PSG4: variants seen among roughly 807,000 people sequenced by gnomAD.
PSG4 encodes the protein pregnancy-specific beta-1-glycoprotein 4.
Under a neutral mutation model 44.3 loss-of-function variants are expected in PSG4, and 61 were observed. The observed-to-expected ratio is 1.38, with a 90% confidence interval of 1.12 to 1.70. PSG4 has a LOEUF of 1.70. Among genes scored for constraint, PSG4 ranks in the 40% most tolerant of loss-of-function variants. The pLI is 0.00. For synonymous variants in PSG4, 248 were observed against 191.3 expected, an observed-to-expected ratio of 1.30 and a Z score of -2.45; for missense variants, 677 against 511.7, an observed-to-expected ratio of 1.32 and a Z score of -3.12.
intron 2 of PSG4, chr19:43,203,423 C>T (rs1231437609): frequency 2.5e-5 from 4 of 158,012 alleles, no homozygotes; most frequent in Non-Finnish European, 5.3e-5. Flanking sequence ...TAAGGCCTGC[C>T]CAAGAAGGAA....
intron 3 of PSG4, among the ~76,000 whole-genome samples, chr19:43,195,538 G>A (rs928838052): frequency 6.6e-6 from 1 of 151,340 alleles, no homozygotes; most frequent in African/African-American, 2.4e-5. Context: ...ATATCAGTGG[G>A]AGTCACAGCC....
chr19:43,195,849 G>A (rs1967223091), intron 3 of PSG4, among the ~76,000 whole-genome samples: 1 of 150,122 alleles, frequency 6.7e-6, no homozygotes, highest in Non-Finnish European at 1.5e-5. Context: ...TCAGCCAGTG[G>A]AGGCAGAAAG....
At chr19:43,204,461 A>C (rs1391174274) in intron 1 of PSG4, 1 of 723,808 alleles carries the variant, frequency 1.4e-6, no homozygotes, top group Non-Finnish European at 2.1e-6. Context: ...CCATTCCTTC[A>C]ACACTTCTGA....
intron 5 of PSG4, chr19:43,193,881 A>G: frequency 4.5e-6 from 3 of 672,480 alleles, no homozygotes; most frequent in South Asian, 3.3e-5. Flanking sequence ...TAAACATATC[A>G]ATACTCATGA....
chr19:43,204,317 G>C, intron 1 of PSG4, 66 bp from the exon 2 acceptor site: 1 of 1,460,034 alleles, frequency 6.8e-7, no homozygotes, highest in South Asian at 1.3e-5. Context: ...GATGGGTCCT[G>C]AGAAGGTCTC....
rs1474201473 is a variant in PSG4 at position 43,201,164 on chromosome 19, G to C, written c.430+2722C>G. 2.7e-5 allele frequency among the ~76,000 whole-genome samples: 4 copies of C among 145,714 alleles called. 1 individual carries two copies. The highest frequency in any genetic ancestry group is 6.0e-5 in the Non-Finnish European group (4 of 67,214). The stretch of plus-strand genomic sequence containing the variant: ...GAGTCCATCTGGCATCTAGTCTCAG[G>C]CTGGCTGTCCTCACTCGTTCCTGGG... On this transcript the variant is annotated intron_variant, in intron 2 of 5. Coordinates refer to ENST00000405312, the MANE Select transcript of PSG4 (RefSeq NM_002780.5).
Position 43,195,231 on chromosome 19 carries a change from G to C in PSG4, c.752C>G (p.Pro251Arg). The C allele has an allele frequency of 6.2e-7, 1 of 1,610,276 alleles. No homozygotes were observed. The highest frequency in any genetic ancestry group is 8.5e-7 in the Non-Finnish European group (1 of 1,178,940). Residue 251 changes from proline (P) to arginine (R), a missense_variant, in exon 4 of 6, where the codon CCC becomes CGC. Coordinates refer to ENST00000405312, the MANE Select transcript of PSG4 (RefSeq NM_002780.5). ...GGTTAAGACATCCTTATTCTCTCTG[G>C]GGTTTAAGTTGTTGATTGTGATGTA... is the stretch of plus-strand genomic sequence containing the variant. ...KPYITINNLNPRENKDVLTFT... is the reference protein window; with the variant it reads ...KPYITINNLNRRENKDVLTFT...
rs565976817 is a variant in PSG4, at chr19:43,194,600, G to C, written c.989-6C>G. ...GCTGGGGAGGTCTGGACCATCTGGCGCAAAGAGAATAAAGCCATAGGTGAT... is the reference window on the plus strand; with the variant it reads ...GCTGGGGAGGTCTGGACCATCTGGCCCAAAGAGAATAAAGCCATAGGTGAT... On this transcript the variant is annotated splice_region_variant and splice_polypyrimidine_tract_variant and intron_variant, in intron 4 of 5. Transcript: ENST00000405312. The C allele has an allele frequency of 1.9e-6, 3 of 1,606,824 alleles. No individual in the cohort carries two copies. The highest frequency in any genetic ancestry group is 2.6e-6 in the Non-Finnish European group (3 of 1,175,856).
In PSG4 at chr19:43,194,403, A is replaced by C; in HGVS notation, c.1180T>G (p.Cys394Gly). Residue 394 changes from cysteine to glycine, a missense_variant, in exon 5 of 6, where the codon TGC becomes GGC. Transcript: ENST00000405312. ...ITTKHSGLYA[C>G]SVRNSATGKE... is the part of the protein sequence containing the mutation. ...CCAGTGGCTGAGTTACGAACAGAGC[A>C]AGCATAGAGCCCACTATGCTTTGTA... The C allele has an allele frequency of 6.2e-7, 1 of 1,612,468 alleles. No individual in the cohort carries two copies. The highest frequency in any genetic ancestry group is 1.7e-5 in the Admixed American group (1 of 59,884).
intron 2 of PSG4, among the ~76,000 whole-genome samples, chr19:43,201,100 G>A (rs1967490079): frequency 2.1e-5 from 3 of 145,676 alleles, no homozygotes. Flanking sequence ...TGGTGAGTCA[G>A]TGCAAAGATT....
chr19:43,198,460 G>A, intron 2 of PSG4, 185 bp from the exon 3 acceptor site: 2 of 1,113,254 alleles, frequency 1.8e-6, no homozygotes, highest in Non-Finnish European at 2.4e-6. Flanking sequence ...GAGGCTGCCT[G>A]CTTTATGTGG....
At chr19:43,200,078 G>A (rs1050081544) in intron 2 of PSG4, among the ~76,000 whole-genome samples, 2 of 145,512 alleles carry the variant, frequency 1.4e-5, no homozygotes, top group Non-Finnish European at 3.0e-5. Context: ...AAAATGGGGA[G>A]GACCCCAAAA....
intron 2 of PSG4, among the ~76,000 whole-genome samples, chr19:43,202,129 C>T (rs1348033297): frequency 2.1e-5 from 3 of 145,708 alleles, no homozygotes; most frequent in Non-Finnish European, 3.0e-5. Flanking sequence ...GAGGGAGTGT[C>T]TGGGGAAGGC....
In PSG4 at chr19:43,195,373, C is replaced by A. The variant is rs956990633; in HGVS notation, c.710-100G>T. 30 of 1,520,858 alleles carry A rather than the reference C, an allele frequency of 2.0e-5. No individual in the cohort carries two copies. In the East Asian group the frequency reaches 2.0e-4, roughly 10 times the overall value. 94.2% of individuals were successfully genotyped at this position (1,520,858 alleles called of 1,614,324 possible). A position where few individuals can be genotyped will look rare whatever the true frequency, so the allele number is the denominator to read the frequency against. On this transcript the variant is annotated intron_variant, in intron 3 of 5. Coordinates refer to ENST00000405312, the MANE Select transcript of PSG4 (RefSeq NM_002780.5). ...TGGCATCTCCCACCTCTCAGCCCAC[C>A]CGAGTCCTTGAAAGCCAATAGCTGG...
Position 43,205,089 on chromosome 19 carries a change from T to G in PSG4, c.64+384A>C, listed in dbSNP as rs545827988. 3.0e-5 allele frequency: 5 copies of G among 165,098 alleles called. 1 individual carries two copies. The highest frequency in any genetic ancestry group is 2.1e-4 in the African/African-American group (5 of 24,354). 10.2% of individuals were successfully genotyped at this position (165,098 alleles called of 1,614,324 possible). On this transcript the variant is annotated intron_variant, in intron 1 of 5. Transcript: ENST00000405312. ...ACAGAGCCTTCTTTCCCTTTTCTTC[T>G]TTTTTCTTTTTTTCCTTTTTTCTTT...
intron 2 of PSG4, among the ~76,000 whole-genome samples, chr19:43,199,095 T>C (rs1327045251): frequency 6.8e-6 from 1 of 146,410 alleles, no homozygotes; most frequent in Admixed American, 6.8e-5. Flanking sequence ...AATGCAGAAC[T>C]GACTGGTGGA....
chr19:43,194,778 GC>G, intron 4 of PSG4, 184 bp from the exon 5 acceptor site: 2 of 1,412,886 alleles, frequency 1.4e-6, no homozygotes, highest in Non-Finnish European at 9.5e-7. Flanking sequence ...CAAGTTTTAG[GC>G]CCCAAGTCTC....
In PSG4 at chr19:43,204,118, A is replaced by C. The variant is rs148906861; in HGVS notation, c.198T>G (p.Ile66Met). 531 of 1,587,264 alleles carry C rather than the reference A, an allele frequency of 3.3e-4. 93 individuals are homozygous for C. In the African/African-American group the frequency reaches 6.5e-3, roughly 19 times the overall value. ...GGTATGTCATTTGCCCTTTGTACCA[A>C]ATGTAGCCAGCAAGATTCTGGGGCA... ...HNLPQNLAGYIWYKGQMTYLY... is the reference protein window; with the variant it reads ...HNLPQNLAGYMWYKGQMTYLY... Residue 66 changes from isoleucine (I) to methionine (M), a missense_variant, in exon 2 of 6, where the codon ATT becomes ATG. Coordinates refer to ENST00000405312, the MANE Select transcript of PSG4 (RefSeq NM_002780.5).
chr19:43,204,093 G>A lies in PSG4; in HGVS notation c.223C>T (p.Leu75Phe), dbSNP rs3170216. The change falls in exon 2 of 6, where the codon CTC (leucine) becomes TTC (phenylalanine). Residue 75 changes from leucine (L) to phenylalanine (F), a missense_variant. Physicochemically the swap from Leu to Phe is conservative, Grantham distance 22 (BLOSUM62 0). Coordinates refer to ENST00000405312, the MANE Select transcript of PSG4 (RefSeq NM_002780.5). The part of the protein sequence containing the change: ...YIWYKGQMTY[L>F]YHYITSYVVD... ...ACATATGATGTAATGTAATGGTAGA[G>A]GTATGTCATTTGCCCTTTGTACCAA... 2 of 1,585,474 alleles carry A rather than the reference G, an allele frequency of 1.3e-6. No homozygotes were observed. Among genetic ancestry groups the A allele is most frequent in the Admixed American group, 3.4e-5 (2 of 58,206 alleles).
Sources: allele counts gnomAD v4.1 joint callset (sites outside exome capture counted in the v4.1 genomes callset), GRCh38; gene constraint gnomAD v4.1.1; transcripts MANE v1.5; gene names NCBI Gene and HGNC (gene_info 2026-07-23, HGNC 2026-07-21).